The following LMNTD1 variants were observed in gnomAD, a reference collection of about 807,000 sequenced individuals.
LMNTD1 encodes the protein lamin tail domain-containing protein 1.
Under a neutral mutation model 50.9 loss-of-function variants are expected in LMNTD1, and 35 were observed. The ratio of observed to expected loss-of-function variants is 0.69; its 90% CI spans 0.53 to 0.91. The LOEUF is 0.91. Ranked by LOEUF, LMNTD1 falls within the 40% of genes least tolerant of loss-of-function variation. The pLI is 0.00. For synonymous variants in LMNTD1, 153 were observed against 161.9 expected (o/e 0.94, Z 0.42); for missense variants, 470 against 475.5 (o/e 0.99, Z 0.11).
At chr12:25,632,886 T>A (rs1946750706) in intron 1 of LMNTD1, among the ~76,000 whole-genome samples, 1 of 152,148 alleles carries the variant, frequency 6.6e-6, no homozygotes, top group South Asian at 2.1e-4. Flanking sequence ...ACAGAATGGA[T>A]AAGAACTCAC....
At chr12:25,637,336 TA>T (rs1450176550) in intron 1 of LMNTD1, among the ~76,000 whole-genome samples, 1 of 152,012 alleles carries the variant, frequency 6.6e-6, no homozygotes, top group Non-Finnish European at 1.5e-5. Flanking sequence ...TTCAAAGAAA[TA>T]AAGTAAACCA....
At chr12:25,591,874 A>G (rs1212303340) in intron 1 of LMNTD1, among the ~76,000 whole-genome samples, 1 of 137,370 alleles carries the variant, frequency 7.3e-6, no homozygotes, top group Non-Finnish European at 1.6e-5. Context: ...TTTATTTGGG[A>G]GAAAGTGAGG....
chr12:25,518,213 T>C (rs1424416466), intron 8 of LMNTD1, among the ~76,000 whole-genome samples: 1 of 152,176 alleles, frequency 6.6e-6, no homozygotes, highest in African/African-American at 2.4e-5. Flanking sequence ...TAAATACTTG[T>C]GGACATCTGA....
At chr12:25,539,795 T>C (rs1441915458) in intron 4 of LMNTD1, among the ~76,000 whole-genome samples, 3 of 132,674 alleles carry the variant, frequency 2.3e-5, no homozygotes, top group African/African-American at 8.3e-5. Context: ...AGCTGGTTTT[T>C]TGAAAGGATC....
At chr12:25,628,777 C>T (rs7978486) in intron 1 of LMNTD1, among the ~76,000 whole-genome samples, 17,803 of 152,116 alleles carry the variant, frequency 0.12, 1,600 homozygotes, top group African/African-American at 0.24. Context: ...GAATTCCCCT[C>T]GTATCACCAG....
chr12:25,480,868 A>G (rs1247274320), intron 9 of LMNTD1, among the ~76,000 whole-genome samples: 4 of 152,328 alleles, frequency 2.6e-5, no homozygotes, highest in South Asian at 2.1e-4. Context: ...AAGATACCCT[A>G]TCTCACAGGT....
At chr12:25,583,072 G>T (rs1945369625) in intron 1 of LMNTD1, among the ~76,000 whole-genome samples, 1 of 151,006 alleles carries the variant, frequency 6.6e-6, no homozygotes, top group African/African-American at 2.4e-5. Context: ...GGAGTGCAGT[G>T]GTGCTATCTC....
intron 1 of LMNTD1, among the ~76,000 whole-genome samples, chr12:25,601,918 C>G (rs1307384987): frequency 1.3e-5 from 2 of 151,686 alleles, no homozygotes; most frequent in South Asian, 4.2e-4. Flanking sequence ...TTTATCATTT[C>G]TTTGTGTTGG....
intron 9 of LMNTD1, among the ~76,000 whole-genome samples, chr12:25,482,546 TA>T (rs1357166950): frequency 1.3e-5 from 2 of 152,054 alleles, no homozygotes; most frequent in Non-Finnish European, 2.9e-5. Flanking sequence ...CAAAATCAGC[TA>T]AATTTTGAAT....
At chr12:25,542,654 T>C (rs1315339103) in intron 4 of LMNTD1, among the ~76,000 whole-genome samples, 1 of 151,288 alleles carries the variant, frequency 6.6e-6, no homozygotes, top group African/African-American at 2.4e-5. Context: ...CACACTAGCA[T>C]GGCATATGTA....
At chr12:25,593,847 G>C (rs1321511556) in intron 1 of LMNTD1, among the ~76,000 whole-genome samples, 1 of 150,116 alleles carries the variant, frequency 6.7e-6, no homozygotes, top group African/African-American at 2.4e-5. Flanking sequence ...AGAAATATTT[G>C]ATTAAATAAA....
At chr12:25,535,420 T>G (rs1377162916) in intron 4 of LMNTD1, among the ~76,000 whole-genome samples, 1 of 151,874 alleles carries the variant, frequency 6.6e-6, no homozygotes, top group Non-Finnish European at 1.5e-5. Flanking sequence ...TGGTAAAAAT[T>G]TTCCCAAATT....
intron 2 of LMNTD1, among the ~76,000 whole-genome samples, chr12:25,550,292 A>C (rs773347740): frequency 2.6e-5 from 4 of 152,212 alleles, no homozygotes; most frequent in Non-Finnish European, 5.9e-5. Flanking sequence ...ATTATTTTAC[A>C]AGTTAAACAA....
intron 1 of LMNTD1, among the ~76,000 whole-genome samples, chr12:25,614,817 A>G (rs1946318486): frequency 6.6e-6 from 1 of 152,194 alleles, no homozygotes; most frequent in South Asian, 2.1e-4. Flanking sequence ...GGAAACTGGA[A>G]GTCCAAGACC....
At chr12:25,516,589 T>C (rs971866805) in intron 8 of LMNTD1, among the ~76,000 whole-genome samples, 8 of 152,202 alleles carry the variant, frequency 5.3e-5, no homozygotes, top group African/African-American at 1.7e-4. Flanking sequence ...TCTATATCTA[T>C]ATCTAAAGTT....
chr12:25,560,940 G>T (rs757984797), intron 1 of LMNTD1, among the ~76,000 whole-genome samples: 8 of 152,134 alleles, frequency 5.3e-5, no homozygotes, highest in Non-Finnish European at 1.2e-4. Flanking sequence ...GGCCTGAGAT[G>T]ATGGGGTTTT....
intron 1 of LMNTD1, among the ~76,000 whole-genome samples, chr12:25,608,823 A>G (rs1027498244): frequency 1.1e-4 from 17 of 152,024 alleles, no homozygotes; most frequent in Non-Finnish European, 2.4e-4. Context: ...CTTGAGGAGT[A>G]TGTTTGTGGC....
intron 1 of LMNTD1, among the ~76,000 whole-genome samples, chr12:25,619,625 C>T (rs1477019545): frequency 1.3e-5 from 2 of 152,098 alleles, no homozygotes; most frequent in Admixed American, 6.5e-5. Context: ...GGCTGTGATC[C>T]AGGAAAGAAT....
intron 8 of LMNTD1, among the ~76,000 whole-genome samples, chr12:25,514,686 CAG>C (rs1314669174): frequency 6.6e-6 from 1 of 152,050 alleles, no homozygotes; most frequent in Non-Finnish European, 1.5e-5. Context: ...GTTTGTAACT[CAG>C]AGGATAAATG....
Sources: gnomAD v4.1 joint callset for allele counts (sites outside exome capture counted in the v4.1 genomes callset) on GRCh38, gnomAD v4.1.1 for gene constraint, MANE v1.5 for transcripts, NCBI Gene and HGNC (gene_info 2026-07-23, HGNC 2026-07-21) for gene names.